SUSD6: variants seen among roughly 807,000 people sequenced by gnomAD.
SUSD6 encodes the protein sushi domain-containing protein 6.
SUSD6 carries 16 observed loss-of-function variants against 28.4 expected under a neutral mutation model. The ratio of observed to expected loss-of-function variants is 0.56; its 90% CI spans 0.38 to 0.86. SUSD6 has a LOEUF of 0.86. SUSD6 is among the 40% of genes least tolerant of loss of function. The probability of loss-of-function intolerance (pLI) is 0.00; values close to 1 mark genes in which losing one functional copy is unlikely to be tolerated. For missense variants in SUSD6, 341 were observed against 384.2 expected (o/e 0.89, Z 0.94); for synonymous variants, 147 against 159.6 (o/e 0.92, Z 0.59).
intron 1 of SUSD6, among the ~76,000 whole-genome samples, chr14:69,640,109 C>G (rs1440813265): frequency 6.6e-6 from 1 of 151,642 alleles, no homozygotes; most frequent in Non-Finnish European, 1.5e-5. Flanking sequence ...TAACTATAGA[C>G]TCCCGGGAAA....
At chr14:69,640,795 T>A (rs1885340643) in intron 1 of SUSD6, among the ~76,000 whole-genome samples, 1 of 152,234 alleles carries the variant, frequency 6.6e-6, no homozygotes. Context: ...ATGGGATGAA[T>A]CCTCTGATAG....
At chr14:69,668,809 A>G (rs894652493) in intron 2 of SUSD6, among the ~76,000 whole-genome samples, 3 of 151,906 alleles carry the variant, frequency 2.0e-5, no homozygotes, top group Non-Finnish European at 4.4e-5. Context: ...CTGAGTTCAC[A>G]TGAGATCTGG....
intron 2 of SUSD6, among the ~76,000 whole-genome samples, chr14:69,696,194 C>T (rs983929823): frequency 4.6e-5 from 7 of 152,224 alleles, no homozygotes; most frequent in African/African-American, 1.7e-4. Context: ...GCCAGAGTTC[C>T]TGGTGAATCC....
intron 2 of SUSD6, among the ~76,000 whole-genome samples, chr14:69,687,022 C>G (rs764860838): frequency 6.6e-6 from 1 of 152,128 alleles, no homozygotes; most frequent in African/African-American, 2.4e-5. Flanking sequence ...TTGCCCAGGC[C>G]GGAGTGCAGT....
At chr14:69,620,476 G>A (rs1016856495) in intron 1 of SUSD6, among the ~76,000 whole-genome samples, 2 of 152,198 alleles carry the variant, frequency 1.3e-5, no homozygotes, top group African/African-American at 4.8e-5. Context: ...GAACAAAATG[G>A]TCATAATACT....
rs57837741 is a variant in SUSD6 at position 69,639,313 on chromosome 14, C to CAAAAAA, written c.-80-19179_-80-19174dup. On this transcript the variant is annotated intron_variant, in intron 1 of 5. Coordinates refer to ENST00000342745, the MANE Select transcript of SUSD6 (RefSeq NM_014734.4). Reference sequence around the variant, plus strand: ...TGGGCAACACAGCGAGACTCCGTCTCAAAAAAAAAAAAAAAAAAAAAAAAA... The same window carrying CAAAAAA: ...TGGGCAACACAGCGAGACTCCGTCTCAAAAAAAAAAAAAAAAAAAAAAAAAAAAAAA... 5.7e-4 allele frequency among the ~76,000 whole-genome samples: 31 copies of CAAAAAA among 54,564 alleles called. 1 individual carries two copies. The highest frequency in any genetic ancestry group is 0.017 in the Middle Eastern group (1 of 60). The allele number at this position is 54,564 out of a possible 152,430, so 35.8% of individuals were successfully genotyped here.
chr14:69,620,882 A>G (rs1407866282), intron 1 of SUSD6, among the ~76,000 whole-genome samples: 1 of 152,212 alleles, frequency 6.6e-6, no homozygotes, highest in Non-Finnish European at 1.5e-5. Flanking sequence ...GGAGAAGGGG[A>G]ATAAGAGGAT....
At chr14:69,658,786 C>T in intron 2 of SUSD6, 73 bp downstream of exon 2, 2 of 1,594,510 alleles carry the variant, frequency 1.3e-6, no homozygotes, top group Admixed American at 3.4e-5. Context: ...AAGACTAGGA[C>T]AGGGGACTCT....
At chr14:69,628,535 G>A (rs1284914847) in intron 1 of SUSD6, among the ~76,000 whole-genome samples, 1 of 152,176 alleles carries the variant, frequency 6.6e-6, no homozygotes. Context: ...ATCCCCTGGG[G>A]AGTGGGAAAA....
At chr14:69,675,018 C>A (rs1035609377) in intron 2 of SUSD6, among the ~76,000 whole-genome samples, 1 of 152,126 alleles carries the variant, frequency 6.6e-6, no homozygotes, top group Non-Finnish European at 1.5e-5. Context: ...TAATTGGAAA[C>A]CCTGACTCTG....
chr14:69,639,625 C>A (rs1885319906), intron 1 of SUSD6, among the ~76,000 whole-genome samples: 1 of 152,150 alleles, frequency 6.6e-6, no homozygotes, highest in Non-Finnish European at 1.5e-5. Flanking sequence ...GAGTTTTGCA[C>A]CACATGTACA....
At chr14:69,644,641 C>T (rs77524894) in intron 1 of SUSD6, among the ~76,000 whole-genome samples, 1 of 134,062 alleles carries the variant, frequency 7.5e-6, no homozygotes, top group Non-Finnish European at 1.6e-5. Flanking sequence ...GACTCCGTCT[C>T]AAAAAAAAAA....
chr14:69,707,034 A>C (rs1326734980), intron 4 of SUSD6, among the ~76,000 whole-genome samples: 1 of 152,056 alleles, frequency 6.6e-6, no homozygotes, highest in African/African-American at 2.4e-5. Flanking sequence ...AGCCAATGTC[A>C]TGAAAGAAAA....
intron 2 of SUSD6, among the ~76,000 whole-genome samples, chr14:69,665,977 A>G (rs1253653827): frequency 4.6e-5 from 7 of 152,232 alleles, no homozygotes; most frequent in Admixed American, 4.6e-4. Context: ...CGGTACACAA[A>G]TAAATATTCC....
In SUSD6 at chr14:69,644,637, G is replaced by A. The variant is rs539730011; in HGVS notation, c.-80-13876G>A. 1.7e-3 allele frequency among the ~76,000 whole-genome samples: 260 copies of A among 149,868 alleles called. 1 individual carries two copies. Among genetic ancestry groups the A allele is most frequent in the African/African-American group, 6.0e-3 (242 of 40,586 alleles). On this transcript the variant is annotated intron_variant, in intron 1 of 5. Coordinates refer to ENST00000342745, the MANE Select transcript of SUSD6 (RefSeq NM_014734.4). ...CAGCCTTGCGACAGAGTGAGACTCC[G>A]TCTCAAAAAAAAAAAAAATTAATTA...
At chr14:69,620,147 T>C (rs1885016398) in intron 1 of SUSD6, among the ~76,000 whole-genome samples, 1 of 152,254 alleles carries the variant, frequency 6.6e-6, no homozygotes, top group Non-Finnish European at 1.5e-5. Flanking sequence ...ATCCTCCATC[T>C]GCCTCCAGGT....
intron 1 of SUSD6, among the ~76,000 whole-genome samples, chr14:69,647,788 C>A (rs1384340074): frequency 2.6e-5 from 4 of 152,098 alleles, no homozygotes; most frequent in African/African-American, 9.7e-5. Context: ...AGTTTGAGAC[C>A]AGCCTGGCCA....
chr14:69,637,454 C>G lies in SUSD6; in HGVS notation c.-80-21059C>G, dbSNP rs115162816. On this transcript the variant is annotated intron_variant, in intron 1 of 5. Transcript: ENST00000342745. ...AAATGTTGAAGGAATGAATGTCCCC[C>G]CCTAACCAGGGTCAGCATACCCCAG... Among the ~76,000 whole-genome samples the G allele has an allele frequency of 7.3e-3, 1,107 of 152,252 alleles. 13 individuals carry two copies. Among genetic ancestry groups the G allele is most frequent in the African/African-American group, 0.025 (1,019 of 41,538 alleles).
intron 1 of SUSD6, among the ~76,000 whole-genome samples, chr14:69,627,753 C>T (rs570733469): frequency 1.5e-4 from 23 of 152,068 alleles, no homozygotes; most frequent in Non-Finnish European, 2.4e-4. Context: ...CGTGAGCCAC[C>T]GTGCCCGGCC....
Sources: allele counts gnomAD v4.1 joint callset (sites outside exome capture counted in the v4.1 genomes callset), GRCh38; gene constraint gnomAD v4.1.1; transcripts MANE v1.5; gene names NCBI Gene and HGNC (gene_info 2026-07-23, HGNC 2026-07-21).